The following PIWIL2 variants were observed in gnomAD, a reference collection of about 807,000 sequenced individuals.
PIWIL2 encodes the protein piwi-like protein 2.
In PIWIL2, 81 loss-of-function variants were observed where a neutral mutation model predicts 116.5. The ratio of observed to expected loss-of-function variants is 0.70; its 90% CI spans 0.58 to 0.84. The LOEUF (loss-of-function observed/expected upper bound fraction) is 0.84, where lower values mean the gene tolerates loss of function less well. Ranked by LOEUF, PIWIL2 falls within the 40% of genes least tolerant of loss-of-function variation. PIWIL2 has a pLI of 0.00. For missense variants in PIWIL2, 1,272 were observed against 1,212.3 expected (o/e 1.05, Z -0.73); for synonymous variants, 489 against 429.5 (o/e 1.14, Z -1.71).
At chr8:22,278,501 CAGA>C (rs1357536971) in intron 1 of PIWIL2, among the ~76,000 whole-genome samples, 4 of 152,216 alleles carry the variant, frequency 2.6e-5, no homozygotes, top group Non-Finnish European at 5.9e-5. Context: ...GCCTGGGCGA[CAGA>C]AGGAGACCCT....
chr8:22,351,440 CATATAT>C (rs71544885), intron 20 of PIWIL2, among the ~76,000 whole-genome samples: 1,305 of 52,746 alleles, frequency 0.025, 27 homozygotes, highest in East Asian at 0.065. Flanking sequence ...TGCATACATA[CATATAT>C]ATATATATAT....
At chr8:22,335,954 A>G (rs1831972947) in intron 20 of PIWIL2, among the ~76,000 whole-genome samples, 1 of 152,238 alleles carries the variant, frequency 6.6e-6, no homozygotes, top group Admixed American at 6.5e-5. Context: ...AAGACATAAC[A>G]ATTACAATAT....
chr8:22,322,327 T>C (rs1294676772), intron 20 of PIWIL2, among the ~76,000 whole-genome samples: 1 of 151,916 alleles, frequency 6.6e-6, no homozygotes, highest in Non-Finnish European at 1.5e-5. Context: ...CTCGGTTCAC[T>C]GCAGCCTCAA....
intron 10 of PIWIL2, among the ~76,000 whole-genome samples, chr8:22,300,820 T>C (rs1168681721): frequency 6.6e-6 from 1 of 152,198 alleles, no homozygotes; most frequent in Admixed American, 6.5e-5. Flanking sequence ...TCTGTTCATA[T>C]CTTTTGCCTA....
At chr8:22,344,942 G>C (rs1211870239) in intron 20 of PIWIL2, among the ~76,000 whole-genome samples, 1 of 152,186 alleles carries the variant, frequency 6.6e-6, no homozygotes, top group Non-Finnish European at 1.5e-5. Context: ...GGAGAAATTG[G>C]AAACTTCATA....
At position 22,330,845 on chromosome 8, in the gene PIWIL2, A is replaced by G. The variant is rs551881489; in HGVS notation, c.2403+12570A>G. 1.2e-4 allele frequency among the ~76,000 whole-genome samples: 18 copies of G among 151,938 alleles called. 1 individual carries two copies. Among genetic ancestry groups the G allele is most frequent in the African/African-American group, 3.4e-4 (14 of 41,428 alleles). On this transcript the variant is annotated intron_variant, in intron 20 of 22. Transcript: ENST00000356766. ...CCATGCATACGTGTCCTACTTTTCT[A>G]TTTCTTGGCAAGCATCATAATTCTT... is the stretch of plus-strand genomic sequence containing the variant.
At chr8:22,330,741 T>TAAATAAATAAATAAATAAAA (rs1482452890) in intron 20 of PIWIL2, among the ~76,000 whole-genome samples, 1 of 140,516 alleles carries the variant, frequency 7.1e-6, no homozygotes, top group Non-Finnish European at 1.6e-5. Context: ...AATAAATAAA[T>TAAATAAATAAATAAATAAAA]AAAAATAGTT....
chr8:22,287,226 G>A (rs368347173), intron 6 of PIWIL2, among the ~76,000 whole-genome samples: 1 of 152,174 alleles, frequency 6.6e-6, no homozygotes, highest in East Asian at 1.9e-4. Context: ...CAGCCTGGGC[G>A]GCAGAGCGAG....
intron 9 of PIWIL2, 32 bp downstream of exon 9, chr8:22,289,959 A>G (rs760474412): frequency 5.0e-6 from 7 of 1,396,486 alleles, no homozygotes; most frequent in Admixed American, 3.4e-5. Flanking sequence ...CTCACTTTTG[A>G]ATGTTCTGGA....
chr8:22,324,233 G>A (rs1034067265), intron 20 of PIWIL2, among the ~76,000 whole-genome samples: 2 of 152,210 alleles, frequency 1.3e-5, no homozygotes, highest in African/African-American at 4.8e-5. Context: ...CTGCGCTCCA[G>A]TCTGGGCGAC....
chr8:22,290,239 G>C lies in PIWIL2; in HGVS notation c.1074G>C (p.Gln358His), dbSNP rs753128339. 2 of 1,594,944 alleles carry C rather than the reference G, an allele frequency of 1.3e-6. No homozygotes were observed. Among genetic ancestry groups the C allele is most frequent in the South Asian group, 2.2e-5 (2 of 90,526 alleles). The stretch of plus-strand genomic sequence containing the variant: ...AGACCACCTCTCTCTCCAGATTGCA[G>C]ATCTGGCCAGGCTATGCAGCTAGCA... The part of the protein sequence containing the change: ...SAMVLQQHRL[Q>H]IWPGYAASIR... Residue 358 changes from glutamine (Q) to histidine (H), a missense_variant, in exon 10 of 23, where the codon CAG (glutamine) becomes CAC (histidine). Physicochemically the swap from Gln to His is conservative, Grantham distance 24 (BLOSUM62 0). Coordinates refer to ENST00000356766, the MANE Select transcript of PIWIL2 (RefSeq NM_018068.5).
chr8:22,333,151 G>A lies in PIWIL2; in HGVS notation c.2403+14876G>A, dbSNP rs554695221. On this transcript the variant is annotated intron_variant, in intron 20 of 22. Transcript: ENST00000356766. ...ATGTTGTACTCTCTAGGGTAACTACGAAAGGAAGAATAAAAGAGTGTATAA... is the reference window on the plus strand; with the variant it reads ...ATGTTGTACTCTCTAGGGTAACTACAAAAGGAAGAATAAAAGAGTGTATAA... Among the ~76,000 whole-genome samples the A allele has an allele frequency of 1.1e-3, 173 of 152,156 alleles. 2 individuals are homozygous for A. The highest frequency in any genetic ancestry group is 4.0e-3 in the African/African-American group (166 of 41,500).
chr8:22,288,694 C>T, intron 8 of PIWIL2, 28 bp downstream of exon 8: 1 of 1,583,800 alleles, frequency 6.3e-7, no homozygotes, highest in Non-Finnish European at 8.6e-7. Flanking sequence ...GTTCTATTGT[C>T]CTGTAACTTC....
chr8:22,332,239 G>C (rs1373194797), intron 20 of PIWIL2, among the ~76,000 whole-genome samples: 1 of 152,066 alleles, frequency 6.6e-6, no homozygotes, highest in Admixed American at 6.6e-5. Context: ...TGGGAGGCAG[G>C]CAGAGGTTAT....
At chr8:22,285,560 T>C (rs1830610433) in intron 6 of PIWIL2, among the ~76,000 whole-genome samples, 10 of 152,184 alleles carry the variant, frequency 6.6e-5, no homozygotes, top group Admixed American at 6.5e-4. Flanking sequence ...TGATTTCAAT[T>C]CCTTTGGATA....
intron 6 of PIWIL2, among the ~76,000 whole-genome samples, chr8:22,285,996 G>T (rs969950114): frequency 6.6e-6 from 1 of 152,176 alleles, no homozygotes; most frequent in African/African-American, 2.4e-5. Flanking sequence ...GGCTGAATTT[G>T]TGAAGGGCAG....
In PIWIL2 at chr8:22,304,933, C is replaced by T. The variant is rs1232566291; in HGVS notation, c.1455+65C>T. On this transcript the variant is annotated intron_variant, in intron 12 of 22. Coordinates refer to ENST00000356766, the MANE Select transcript of PIWIL2 (RefSeq NM_018068.5). ...CTTCATCCTGTCAGCTGCTTTTAGC[C>T]GTCCTCATGGCTTTGTGGGAGCTGT... 5 of 1,091,088 alleles carry T rather than the reference C, an allele frequency of 4.6e-6. No individual in the cohort carries two copies. The African/African-American group carries it at 4.6e-5, about 10-fold the overall frequency. 67.6% of individuals were successfully genotyped at this position (1,091,088 alleles called of 1,614,324 possible). A position where few individuals can be genotyped will look rare whatever the true frequency, so the allele number is the denominator to read the frequency against.
At chr8:22,348,091 A>G (rs1030770048) in intron 20 of PIWIL2, among the ~76,000 whole-genome samples, 1 of 152,066 alleles carries the variant, frequency 6.6e-6, no homozygotes, top group African/African-American at 2.4e-5. Context: ...ACTTGAGGTC[A>G]GGAGTTCGAG....
At position 22,315,022 on chromosome 8, in the gene PIWIL2, A is replaced by T. The variant is rs201716037; in HGVS notation, c.2092-7A>T. ...TCTCCTGACACCTTTTGGTCCCTTC[A>T]TTATAGGTTGTCAATGTTCGAACCA... On this transcript the variant is annotated splice_polypyrimidine_tract_variant and splice_region_variant and intron_variant, in intron 17 of 22. Transcript: ENST00000356766. 6.3e-7 allele frequency: 1 copy of T among 1,582,834 alleles called. No homozygotes were observed. Among genetic ancestry groups the T allele is most frequent in the Non-Finnish European group, 8.7e-7 (1 of 1,151,636 alleles).
Sources: gnomAD v4.1 joint callset for allele counts (sites outside exome capture counted in the v4.1 genomes callset) on GRCh38, gnomAD v4.1.1 for gene constraint, MANE v1.5 for transcripts, NCBI Gene and HGNC (gene_info 2026-07-23, HGNC 2026-07-21) for gene names.